Variants in LINGO2 observed in about 807,000 individuals in gnomAD.
LINGO2 encodes the protein leucine-rich repeat and immunoglobulin-like domain-containing nogo receptor-interacting protein 2.
Under a neutral mutation model 30.6 loss-of-function variants are expected in LINGO2, and 14 were observed. That is an observed-to-expected ratio of 0.46 (90% CI 0.30 to 0.72). The LOEUF is 0.72. Ranked by LOEUF, LINGO2 falls within the 30% of genes least tolerant of loss-of-function variation. The pLI is 0.07. For synonymous variants in LINGO2, 317 were observed against 288.5 expected (o/e 1.10, Z -1.00); for missense variants, 729 against 751.7 (o/e 0.97, Z 0.35).
In LINGO2 at chr9:28,147,143, G is replaced by A. The variant is rs4007450; in HGVS notation, c.-86-134738C>T. Among the ~76,000 whole-genome samples the A allele has an allele frequency of 3.3e-5, 5 of 152,142 alleles. No individual in the cohort carries two copies. Among genetic ancestry groups the A allele is most frequent in the African/African-American group, 1.2e-4 (5 of 41,428 alleles). On this transcript the variant is annotated intron_variant, in intron 4 of 5. Coordinates refer to ENST00000379992, the Ensembl canonical transcript of LINGO2. The surrounding 1 kb of genome is among the most constrained non-coding windows in gnomAD (Gnocchi z 4.7). ...GTATGTTGAAGTGAAGACCTCCTTC[G>A]AGGTGTTCATGTGCTTATTACAGAT...
intron 4 of LINGO2, among the ~76,000 whole-genome samples, chr9:28,286,219 C>T (rs1218678828): frequency 6.6e-6 from 1 of 152,156 alleles, no homozygotes; most frequent in Non-Finnish European, 1.5e-5. Flanking sequence ...ACCAACTGGT[C>T]TGACCAACAA....
At chr9:28,003,447 G>A (rs1162820774) in intron 5 of LINGO2, among the ~76,000 whole-genome samples, 1 of 151,894 alleles carries the variant, frequency 6.6e-6, no homozygotes, top group Non-Finnish European at 1.5e-5. Flanking sequence ...GAGGTGTTTT[G>A]GGTCTTTATT....
the LINGO2 span, among the ~76,000 whole-genome samples, chr9:28,838,295 A>G: frequency 6.6e-6 from 1 of 152,138 alleles, no homozygotes; most frequent in South Asian, 2.1e-4. Flanking sequence ...AGTGCCATTC[A>G]TTTCATTATT....
the LINGO2 span, among the ~76,000 whole-genome samples, chr9:29,136,514 G>A: frequency 6.6e-6 from 1 of 152,042 alleles, no homozygotes; most frequent in African/African-American, 2.4e-5. Context: ...TTTATTACCT[G>A]ACTCTCATGA....
chr9:28,990,944 A>G, the LINGO2 span, among the ~76,000 whole-genome samples: 2 of 152,224 alleles, frequency 1.3e-5, no homozygotes, highest in Non-Finnish European at 2.9e-5. Flanking sequence ...TGGAAACTCT[A>G]AAAAGCAGAG....
At chr9:28,815,227 C>T in the LINGO2 span, among the ~76,000 whole-genome samples, 5 of 152,152 alleles carry the variant, frequency 3.3e-5, no homozygotes, top group East Asian at 1.9e-4. Context: ...GATAGGTGAG[C>T]GAAATTCCTG....
the LINGO2 span, among the ~76,000 whole-genome samples, chr9:29,143,542 C>T: frequency 3.3e-5 from 5 of 151,868 alleles, no homozygotes; most frequent in South Asian, 2.1e-4. Context: ...ACAAAGGTAC[C>T]GAGAGTACCC....
At chr9:29,117,684 A>C in the LINGO2 span, among the ~76,000 whole-genome samples, 3 of 152,206 alleles carry the variant, frequency 2.0e-5, no homozygotes, top group Non-Finnish European at 4.4e-5. Flanking sequence ...AACATTCTAC[A>C]GCAGCTGGAA....
intron 4 of LINGO2, among the ~76,000 whole-genome samples, chr9:28,169,280 T>C (rs893380465): frequency 3.3e-5 from 5 of 152,212 alleles, no homozygotes; most frequent in African/African-American, 1.2e-4. Flanking sequence ...GACTTTGTTT[T>C]TTGCTAAAAT....
At chr9:29,141,478 A>G in the LINGO2 span, among the ~76,000 whole-genome samples, 1 of 151,924 alleles carries the variant, frequency 6.6e-6, no homozygotes, top group Non-Finnish European at 1.5e-5. Flanking sequence ...AAATGAAAAG[A>G]AAGACAGTAA....
At chr9:29,173,176 A>T in the LINGO2 span, among the ~76,000 whole-genome samples, 1 of 152,020 alleles carries the variant, frequency 6.6e-6, no homozygotes, top group Non-Finnish European at 1.5e-5. Flanking sequence ...TAGTGGGTGG[A>T]GAAAATTGAA....
the LINGO2 span, among the ~76,000 whole-genome samples, chr9:29,196,394 GT>G: frequency 2.0e-5 from 3 of 152,098 alleles, no homozygotes; most frequent in African/African-American, 4.8e-5. Context: ...ATTATTAGCT[GT>G]TCATAGCATC....
chr9:28,012,598 C>T (rs1319118425), intron 4 of LINGO2, among the ~76,000 whole-genome samples: 2 of 151,978 alleles, frequency 1.3e-5, no homozygotes, highest in Non-Finnish European at 2.9e-5. Flanking sequence ...AAGCCACCAG[C>T]TCCTCCTTTT....
chr9:28,464,369 TTA>T (rs1451187434), intron 2 of LINGO2, among the ~76,000 whole-genome samples: 2 of 152,186 alleles, frequency 1.3e-5, no homozygotes, highest in Non-Finnish European at 2.9e-5. Flanking sequence ...AATCTAAGTT[TTA>T]TATTATAGTT....
chr9:28,480,106 A>G (rs1825901474), intron 1 of LINGO2, among the ~76,000 whole-genome samples: 1 of 151,452 alleles, frequency 6.6e-6, no homozygotes, highest in Non-Finnish European at 1.5e-5. Context: ...TATTATAATC[A>G]TTGTAGGTCA....
intron 4 of LINGO2, among the ~76,000 whole-genome samples, chr9:28,264,895 G>A (rs1315336673): frequency 2.0e-5 from 3 of 151,904 alleles, no homozygotes; most frequent in Non-Finnish European, 4.4e-5. Flanking sequence ...ATGTGGGTGG[G>A]ACTTGTCTAA....
chr9:28,144,260 C>G (rs557400468), intron 4 of LINGO2, among the ~76,000 whole-genome samples: 1 of 152,210 alleles, frequency 6.6e-6, no homozygotes, highest in Non-Finnish European at 1.5e-5. Flanking sequence ...GAAAAATATA[C>G]CTTTTTCCAG....
At chr9:29,100,240 C>A in the LINGO2 span, among the ~76,000 whole-genome samples, 1 of 152,154 alleles carries the variant, frequency 6.6e-6, no homozygotes, top group Non-Finnish European at 1.5e-5. Context: ...GAAGAGTGAT[C>A]TGTGTGAGAG....
rs570527048 is a variant in LINGO2 at position 28,147,269 on chromosome 9, C to T, written c.-86-134864G>A. Among the ~76,000 whole-genome samples, 21 of 152,324 alleles carry T rather than the reference C, an allele frequency of 1.4e-4. No homozygotes were observed. Among genetic ancestry groups the T allele is most frequent in the East Asian group, 7.7e-4 (4 of 5,184 alleles). ...CAGGCCAGAGCGCCAGCTGTGGAAT[C>T]GCACAGCCTGGGTTCAAAGCCTGGC... is the stretch of plus-strand genomic sequence containing the variant. On this transcript the variant is annotated intron_variant, in intron 4 of 5. Transcript: ENST00000379992. This position sits in a 1 kb window ranked among gnomAD's most constrained non-coding sequence, Gnocchi z 4.7.
Sources: gnomAD v4.1 joint callset for allele counts (sites outside exome capture counted in the v4.1 genomes callset) on GRCh38, gnomAD v4.1.1 for gene constraint, Gnocchi (gnomAD v3.1) non-coding constraint, MANE v1.5 for transcripts, NCBI Gene and HGNC (gene_info 2026-07-23, HGNC 2026-07-21) for gene names.